MSANTD3: variants seen among roughly 807,000 people sequenced by gnomAD.
MSANTD3 encodes Myb/SANT DNA binding domain containing 3.
MSANTD3 carries 11 observed loss-of-function variants against 27.7 expected under a neutral mutation model. The ratio of observed to expected loss-of-function variants is 0.40; its 90% CI spans 0.25 to 0.66. The LOEUF (loss-of-function observed/expected upper bound fraction) is 0.66, where lower values mean the gene tolerates loss of function less well. Among genes scored for constraint, MSANTD3 ranks in the 30% least tolerant of loss-of-function variants. The pLI, the probability that MSANTD3 is intolerant of heterozygous loss-of-function variation, is 0.41. For synonymous variants in MSANTD3, 131 were observed against 127.2 expected (o/e 1.03, Z -0.20); for missense variants, 250 against 336.5 (o/e 0.74, Z 2.01).
chr9:100,433,804 G>A (rs1356389953), intron 1 of MSANTD3, among the ~76,000 whole-genome samples: 2 of 152,132 alleles, frequency 1.3e-5, no homozygotes, highest in East Asian at 1.9e-4. Flanking sequence ...GGCCTTGCTT[G>A]TAGGGAGGGC....
At chr9:100,431,508 G>T (rs1441995266) in intron 1 of MSANTD3, among the ~76,000 whole-genome samples, 1 of 150,138 alleles carries the variant, frequency 6.7e-6, no homozygotes, top group Admixed American at 6.6e-5. Context: ...TCACTGTGTT[G>T]CCCAGGCTGG....
intron 2 of MSANTD3, chr9:100,448,198 A>AG (rs1289529906): frequency 1.0e-6 from 1 of 972,322 alleles, no homozygotes; most frequent in Non-Finnish European, 1.2e-6. Context: ...CTCAAAAAAA[A>AG]AAAAAAAAAA....
chr9:100,445,360 A>C, intron 2 of MSANTD3: 1 of 626,420 alleles, frequency 1.6e-6, no homozygotes, highest in Non-Finnish European at 2.8e-6. Context: ...CACAAGCCAC[A>C]TGAGGCTCAT....
chr9:100,428,815 G>A (rs1172587968), intron 1 of MSANTD3, among the ~76,000 whole-genome samples: 1 of 152,174 alleles, frequency 6.6e-6, no homozygotes, highest in Non-Finnish European at 1.5e-5. Flanking sequence ...TAATGGAAGA[G>A]TGCATTTTCA....
At chr9:100,447,903 T>A (rs1189905846) in intron 2 of MSANTD3, among the ~76,000 whole-genome samples, 4 of 152,076 alleles carry the variant, frequency 2.6e-5, no homozygotes, top group Non-Finnish European at 5.9e-5. Flanking sequence ...CTTTAGAAAT[T>A]GGAAGAGGCC....
intron 2 of MSANTD3, among the ~76,000 whole-genome samples, chr9:100,446,575 T>TA (rs756493238): frequency 5.6e-4 from 85 of 152,210 alleles, no homozygotes; most frequent in Admixed American, 2.2e-3. Flanking sequence ...CCTGTAATCC[T>TA]AGCACTTTGG....
chr9:100,444,868 A>G (rs540192245), intron 2 of MSANTD3: 2 of 228,452 alleles, frequency 8.8e-6, no homozygotes, highest in African/African-American at 4.5e-5. Context: ...GTACATTCTC[A>G]GTGTTTTTCT....
chr9:100,437,215 G>A (rs776926831), intron 1 of MSANTD3, among the ~76,000 whole-genome samples: 2 of 152,108 alleles, frequency 1.3e-5, no homozygotes, highest in Non-Finnish European at 1.5e-5. Context: ...ATCGAGAGGA[G>A]GTGATGGAGG....
At chr9:100,444,992 C>T in intron 2 of MSANTD3, 1 of 539,784 alleles carries the variant, frequency 1.9e-6, no homozygotes, top group Non-Finnish European at 3.3e-6. Flanking sequence ...AAAGCATAGC[C>T]AAATGCTCCT....
chr9:100,439,638 T>C (rs997907778), intron 1 of MSANTD3, among the ~76,000 whole-genome samples: 2 of 151,786 alleles, frequency 1.3e-5, no homozygotes, highest in Non-Finnish European at 2.9e-5. Flanking sequence ...GCCTCCCGAA[T>C]AGCTGGGACT....
At chr9:100,443,364 A>T (rs964056577) in intron 2 of MSANTD3, among the ~76,000 whole-genome samples, 1 of 151,958 alleles carries the variant, frequency 6.6e-6, no homozygotes, top group Admixed American at 6.6e-5. Flanking sequence ...GCACCACTGC[A>T]CGCCAGCGTA....
chr9:100,448,212 A>T (rs868632366), intron 2 of MSANTD3: 2 of 968,968 alleles, frequency 2.1e-6, no homozygotes, highest in African/African-American at 1.8e-5. Flanking sequence ...AAAAAAAAAA[A>T]AAGAAGAAGA....
intron 1 of MSANTD3, among the ~76,000 whole-genome samples, chr9:100,437,017 C>T (rs944234138): frequency 5.3e-5 from 8 of 152,152 alleles, no homozygotes; most frequent in African/African-American, 1.7e-4. Context: ...ATTGGCCAGG[C>T]TGGTCTTGAA....
chr9:100,437,884 T>G (rs1434906193), intron 1 of MSANTD3, among the ~76,000 whole-genome samples: 3 of 152,168 alleles, frequency 2.0e-5, no homozygotes, highest in African/African-American at 7.2e-5. Flanking sequence ...TTGGGAGGGT[T>G]AAATGATATT....
At chr9:100,435,137 C>A (rs559745255) in intron 1 of MSANTD3, among the ~76,000 whole-genome samples, 2 of 152,068 alleles carry the variant, frequency 1.3e-5, no homozygotes, top group Non-Finnish European at 2.9e-5. Flanking sequence ...GAGGCAGGGC[C>A]GGGATAGCGG....
intron 1 of MSANTD3, among the ~76,000 whole-genome samples, chr9:100,436,921 CA>C (rs751492027): frequency 6.6e-6 from 1 of 152,190 alleles, no homozygotes; most frequent in Non-Finnish European, 1.5e-5. Context: ...TCTCCTGCCT[CA>C]GCCTCCTGAG....
intron 1 of MSANTD3, chr9:100,429,717 TG>T (rs527910589): frequency 9.0e-5 from 13 of 144,524 alleles, no homozygotes; most frequent in Admixed American, 4.2e-4. Context: ...GTTTTTTTTT[TG>T]GGGGGGGACA....
chr9:100,443,470 A>G (rs1238882870), intron 2 of MSANTD3, among the ~76,000 whole-genome samples: 2 of 152,076 alleles, frequency 1.3e-5, no homozygotes, highest in Non-Finnish European at 2.9e-5. Context: ...CGCCTGTTTT[A>G]GCATTCACCC....
At chr9:100,442,884 G>C (rs1443977954) in intron 2 of MSANTD3, among the ~76,000 whole-genome samples, 1 of 150,868 alleles carries the variant, frequency 6.6e-6, no homozygotes, top group Admixed American at 6.6e-5. Flanking sequence ...CTCTCTTGGA[G>C]ACTTTATTAT....
Sources: gnomAD v4.1 joint callset for allele counts (sites outside exome capture counted in the v4.1 genomes callset) on GRCh38, gnomAD v4.1.1 for gene constraint, MANE v1.5 for transcripts, NCBI Gene and HGNC (gene_info 2026-07-23, HGNC 2026-07-21) for gene names.